Variants in TAAR5 observed in about 807,000 individuals in gnomAD.
TAAR5 encodes trace amine-associated receptor 5.
TAAR5 carries 27 observed loss-of-function variants against 21.1 expected under a neutral mutation model. The observed-to-expected ratio is 1.28, with a 90% CI of 0.94 to 1.76. The LOEUF is 1.76. TAAR5 is among the 40% of genes most tolerant of loss of function. The pLI is 0.00. For synonymous variants in TAAR5, 203 were observed against 167.5 expected (o/e 1.21, Z -1.64); for missense variants, 495 against 405.6 (o/e 1.22, Z -1.89).
the TAAR5 span, among the ~76,000 whole-genome samples, chr6:132,597,449 C>T: frequency 1.3e-5 from 2 of 152,022 alleles, no homozygotes; most frequent in Admixed American, 6.6e-5. Flanking sequence ...TGCTTGTTTG[C>T]TAAAGGGAAC....
the TAAR5 span, among the ~76,000 whole-genome samples, chr6:132,604,288 G>A: frequency 6.6e-6 from 1 of 151,466 alleles, no homozygotes; most frequent in African/African-American, 2.4e-5. Flanking sequence ...GACTACATGA[G>A]CGTGCCACCA....
chr6:132,608,344 A>G, the TAAR5 span: 6 of 455,776 alleles, frequency 1.3e-5, no homozygotes, highest in East Asian at 4.2e-4. Context: ...CCATGGATTA[A>G]AAAAGCCATG....
At chr6:132,610,270 T>C in the TAAR5 span, among the ~76,000 whole-genome samples, 5 of 152,204 alleles carry the variant, frequency 3.3e-5, no homozygotes, top group South Asian at 2.1e-4. Flanking sequence ...AAGCTTGACA[T>C]TGTGCCTATA....
chr6:132,608,290 C>G, the TAAR5 span: 1 of 442,582 alleles, frequency 2.3e-6, no homozygotes, highest in Non-Finnish European at 4.5e-6. Context: ...TGAATGGGAG[C>G]TAAATATTTT....
At chr6:132,597,970 A>G in the TAAR5 span, among the ~76,000 whole-genome samples, 1 of 152,182 alleles carries the variant, frequency 6.6e-6, no homozygotes, top group African/African-American at 2.4e-5. Flanking sequence ...AGAACCCTGA[A>G]ATATGTTAGT....
chr6:132,613,448 A>G, the TAAR5 span, among the ~76,000 whole-genome samples: 1 of 152,084 alleles, frequency 6.6e-6, no homozygotes, highest in Middle Eastern at 3.2e-3. Flanking sequence ...TTTTTATGTT[A>G]TCTATTATGT....
chr6:132,597,294 AGACACCC>A, the TAAR5 span, among the ~76,000 whole-genome samples: 1 of 151,128 alleles, frequency 6.6e-6, no homozygotes, highest in Non-Finnish European at 1.5e-5. Context: ...AGATAGAGTA[AGACACCC>A]ACATATATGT....
At chr6:132,592,555 G>GGGCCTGGTGGGAGGTGC (rs1288100402), upstream of TAAR5, among the ~76,000 whole-genome samples, 1 of 152,182 alleles carries the variant, frequency 6.6e-6, no homozygotes, top group Non-Finnish European at 1.5e-5. Flanking sequence ...GTTGGAGGTG[G>GGGCCTGGTGGGAGGTGC]GGCCTGGTGG....
the TAAR5 span, among the ~76,000 whole-genome samples, chr6:132,614,698 G>C: frequency 6.6e-5 from 10 of 152,262 alleles, no homozygotes; most frequent in East Asian, 1.9e-3. Flanking sequence ...TCATATATAA[G>C]TTTGCTTCTG....
the TAAR5 span, among the ~76,000 whole-genome samples, chr6:132,596,443 G>C: frequency 6.6e-6 from 1 of 152,140 alleles, no homozygotes; most frequent in South Asian, 2.1e-4. Context: ...AAAACTGAAT[G>C]GTCCTTTGGG....
At chr6:132,591,357 C>G (rs1277884722), upstream of TAAR5, among the ~76,000 whole-genome samples, 7 of 152,094 alleles carry the variant, frequency 4.6e-5, no homozygotes, top group Non-Finnish European at 7.4e-5. Context: ...AGAGGTGACA[C>G]CAAATTACAT....
In TAAR5 at chr6:132,589,728, T is replaced by C; in HGVS notation, c.-42A>G. The C allele has an allele frequency of 2.9e-6, 1 of 345,166 alleles. No individual in the cohort carries two copies. Among genetic ancestry groups the C allele is most frequent in the Non-Finnish European group, 4.6e-6 (1 of 218,308 alleles). 21.4% of individuals were successfully genotyped at this position (345,166 alleles called of 1,614,324 possible). On this transcript the variant is annotated 5_prime_UTR_variant, in exon 1 of 1. Transcript: ENST00000258034. ...TCCTCTGTCTGAGAACTGGCCACCT[T>C]CTCCACTGGAGGGCAAAAAAAAAAA...
At chr6:132,609,107 G>A in the TAAR5 span, 1 of 437,978 alleles carries the variant, frequency 2.3e-6, no homozygotes, top group South Asian at 1.6e-5. Context: ...TGTTTGAAAT[G>A]CGATATGGAA....
the TAAR5 span, among the ~76,000 whole-genome samples, chr6:132,599,375 G>A: frequency 7.1e-6 from 1 of 140,762 alleles, no homozygotes; most frequent in Admixed American, 7.5e-5. Flanking sequence ...TGTCACCCAG[G>A]CTGGAATGCA....
chr6:132,596,775 A>T, the TAAR5 span, among the ~76,000 whole-genome samples: 1 of 152,194 alleles, frequency 6.6e-6, no homozygotes, highest in Non-Finnish European at 1.5e-5. Flanking sequence ...TATAAAGTGC[A>T]GACTAGCAAT....
chr6:132,593,974 C>G (rs1325863530), upstream of TAAR5, among the ~76,000 whole-genome samples: 1 of 152,200 alleles, frequency 6.6e-6, no homozygotes, highest in East Asian at 1.9e-4. Flanking sequence ...TCCCACTTCC[C>G]TAACAAGCAA....
upstream of TAAR5, among the ~76,000 whole-genome samples, chr6:132,594,082 A>C (rs1369572077): frequency 6.6e-6 from 1 of 152,242 alleles, no homozygotes; most frequent in Non-Finnish European, 1.5e-5. Context: ...TTTCAAGTTA[A>C]AGTAAGAAAA....
At chr6:132,598,653 C>G in the TAAR5 span, among the ~76,000 whole-genome samples, 1 of 152,156 alleles carries the variant, frequency 6.6e-6, no homozygotes, top group Non-Finnish European at 1.5e-5. Context: ...GGGCAGTGTC[C>G]TATGTCCTGC....
At chr6:132,604,667 C>T in the TAAR5 span, among the ~76,000 whole-genome samples, 37 of 152,132 alleles carry the variant, frequency 2.4e-4, no homozygotes, top group African/African-American at 8.7e-4. Flanking sequence ...AAATTGAGTA[C>T]GTACAAAACT....
Sources: allele counts gnomAD v4.1 joint callset (sites outside exome capture counted in the v4.1 genomes callset), GRCh38; gene constraint gnomAD v4.1.1; transcripts MANE v1.5; gene names NCBI Gene and HGNC (gene_info 2026-07-23, HGNC 2026-07-21).